The following LEF1 variants were observed in gnomAD, a reference collection of about 807,000 sequenced individuals.
LEF1 encodes lymphoid enhancer-binding factor 1.
In LEF1, 14 loss-of-function variants were observed where a neutral mutation model predicts 51.2. The observed-to-expected ratio is 0.27, with a 90% CI of 0.18 to 0.43. The LOEUF is 0.43. Among genes scored for constraint, LEF1 ranks in the 20% least tolerant of loss-of-function variants. The probability of loss-of-function intolerance (pLI) is 1.00; values close to 1 mark genes in which losing one functional copy is unlikely to be tolerated. For missense variants in LEF1, 386 were observed against 512.0 expected, an observed-to-expected ratio of 0.75 and a Z score of 2.37; for synonymous variants, 185 against 183.2, an observed-to-expected ratio of 1.01 and a Z score of -0.08.
intron 11 of LEF1, among the ~76,000 whole-genome samples, chr4:108,059,174 G>C (rs920456171): frequency 2.0e-5 from 3 of 152,194 alleles, no homozygotes; most frequent in African/African-American, 7.2e-5. Context: ...CTCAAAAGTA[G>C]AAACATACGG....
At chr4:108,139,670 C>T (rs1186631441) in intron 3 of LEF1, among the ~76,000 whole-genome samples, 2 of 152,146 alleles carry the variant, frequency 1.3e-5, no homozygotes, top group Admixed American at 6.5e-5. Flanking sequence ...ATATGTGCTG[C>T]CATTTTGTGA....
intron 3 of LEF1, among the ~76,000 whole-genome samples, chr4:108,148,284 A>AG (rs1744120443): frequency 2.0e-5 from 1 of 50,852 alleles, no homozygotes; most frequent in Non-Finnish European, 5.5e-5. Context: ...AATAAAAAAA[A>AG]AAAAATTTAT....
intron 10 of LEF1, 121 bp downstream of exon 10, chr4:108,064,215 C>T: frequency 5.0e-6 from 3 of 594,136 alleles, no homozygotes; most frequent in Non-Finnish European, 8.9e-6. Flanking sequence ...GAAGAAAAAG[C>T]AGAGTTAAAG....
chr4:108,134,339 C>A (rs1743105951), intron 3 of LEF1, among the ~76,000 whole-genome samples: 1 of 152,224 alleles, frequency 6.6e-6, no homozygotes, highest in African/African-American at 2.4e-5. Flanking sequence ...CCCTTATCCA[C>A]TGTGCCTCCA....
chr4:108,138,933 G>A (rs1436962318), intron 3 of LEF1, among the ~76,000 whole-genome samples: 1 of 152,204 alleles, frequency 6.6e-6, no homozygotes, highest in African/African-American at 2.4e-5. Flanking sequence ...CCTCTAAGTA[G>A]CCTGGAAGGA....
chr4:108,077,955 C>T (rs1358508835), intron 8 of LEF1, among the ~76,000 whole-genome samples: 6 of 152,248 alleles, frequency 3.9e-5, no homozygotes, highest in Admixed American at 2.0e-4. Flanking sequence ...GTGGGAGGAT[C>T]GCCTGAACCC....
chr4:108,070,808 G>A lies in LEF1; in HGVS notation c.1009-38C>T, dbSNP rs760616868. 8 of 1,294,986 alleles carry A rather than the reference G, an allele frequency of 6.2e-6. No homozygotes were observed. The African/African-American group carries it at 8.8e-5, about 14-fold the overall frequency. 80.2% of individuals were successfully genotyped at this position (1,294,986 alleles called of 1,614,324 possible). ...GGAAGGAAGAAAAAAACAAAAGTAA[G>A]CAAAATAGCAATAGCATATTTTATG... is the stretch of plus-strand genomic sequence containing the variant. On this transcript the variant is annotated intron_variant, in intron 8 of 11. Transcript: ENST00000265165.
chr4:108,165,299 A>G lies in LEF1; in HGVS notation c.214-136T>C, dbSNP rs570351157. On this transcript the variant is annotated intron_variant, in intron 1 of 11. Transcript: ENST00000265165. ...AACTCTGTTTTATACTCTGAGAGACATACGCTAGTGTTTAGTACTGCATAA... is the reference window on the plus strand; with the variant it reads ...AACTCTGTTTTATACTCTGAGAGACGTACGCTAGTGTTTAGTACTGCATAA... 49 of 758,748 alleles carry G rather than the reference A, an allele frequency of 6.5e-5. No individual in the cohort carries two copies. The South Asian group carries it at 7.3e-4, about 11-fold the overall frequency. 47.0% of individuals were successfully genotyped at this position (758,748 alleles called of 1,614,324 possible). A position where few individuals can be genotyped will look rare whatever the true frequency, so the allele number is the denominator to read the frequency against.
intron 11 of LEF1, among the ~76,000 whole-genome samples, chr4:108,051,746 C>G (rs1316131679): frequency 2.0e-5 from 3 of 152,192 alleles, no homozygotes; most frequent in Non-Finnish European, 4.4e-5. Context: ...CCGAACCCCC[C>G]TGATGCTCTC....
intron 3 of LEF1, among the ~76,000 whole-genome samples, chr4:108,093,414 A>G (rs779077723): frequency 2.5e-4 from 38 of 152,222 alleles, no homozygotes; most frequent in Non-Finnish European, 5.0e-4. Context: ...TAAGGGAGGG[A>G]AGGAGGGAGA....
chr4:108,167,734 C>A lies in LEF1; in HGVS notation c.34G>T (p.Gly12Trp). Reference protein sequence around the residue: ...PQLSGGGGGGGGDPELCATDE... With the variant: ...PQLSGGGGGGWGDPELCATDE... ...GTGGCGCAGAGTTCCGGGTCCCCCC[C>A]GCCGCCGCCACCTCCTCCGGAGAGT... Residue 12 changes from glycine to tryptophan, a missense_variant, in exon 1 of 12, where the codon GGG becomes TGG. Gly to Trp is a radical substitution (Grantham distance 184). Transcript: ENST00000265165. The surrounding 1 kb of genome is among the most constrained non-coding windows in gnomAD (Gnocchi z 5.7). The A allele has an allele frequency of 6.2e-7, 1 of 1,613,512 alleles. No individual in the cohort carries two copies. The highest frequency in any genetic ancestry group is 8.5e-7 in the Non-Finnish European group (1 of 1,180,012).
At chr4:108,117,857 T>TA (rs1266373412) in intron 3 of LEF1, among the ~76,000 whole-genome samples, 1 of 152,112 alleles carries the variant, frequency 6.6e-6, no homozygotes, top group Non-Finnish European at 1.5e-5. Flanking sequence ...ATTTTAGAGA[T>TA]AAGAAAACCA....
At chr4:108,155,347 T>C (rs188478687) in intron 3 of LEF1, among the ~76,000 whole-genome samples, 7 of 152,332 alleles carry the variant, frequency 4.6e-5, no homozygotes, top group Non-Finnish European at 7.3e-5. Flanking sequence ...GAAAATCTGC[T>C]GCTCTCCTAA....
chr4:108,053,000 A>C (rs958982482), intron 11 of LEF1, among the ~76,000 whole-genome samples: 3 of 152,210 alleles, frequency 2.0e-5, no homozygotes, highest in African/African-American at 7.2e-5. Flanking sequence ...CAGCAGGATG[A>C]GCCTCTGAAC....
intron 3 of LEF1, among the ~76,000 whole-genome samples, chr4:108,148,276 TA>T (rs754263393): frequency 4.8e-5 from 2 of 41,684 alleles, no homozygotes; most frequent in African/African-American, 9.2e-5. Flanking sequence ...GCTCTTTTAA[TA>T]AAAAAAAAAA....
chr4:108,071,465 G>C (rs779034582), intron 8 of LEF1, among the ~76,000 whole-genome samples: 2 of 152,124 alleles, frequency 1.3e-5, no homozygotes, highest in Non-Finnish European at 2.9e-5. Flanking sequence ...AGTTTGTTTT[G>C]CCATCTAGAA....
intron 11 of LEF1, among the ~76,000 whole-genome samples, chr4:108,052,098 T>C (rs1259970367): frequency 6.6e-6 from 1 of 151,986 alleles, no homozygotes; most frequent in Non-Finnish European, 1.5e-5. Context: ...AGTCTATGGG[T>C]GAGCTCTGAG....
chr4:108,163,441 T>C (rs996905689), intron 3 of LEF1, 127 bp downstream of exon 3: 3 of 1,013,096 alleles, frequency 3.0e-6, no homozygotes, highest in Non-Finnish European at 4.4e-6. Context: ...TAACAGCTCT[T>C]ATTTAGCAAC....
chr4:108,088,383 T>C (rs1025008183), intron 4 of LEF1, among the ~76,000 whole-genome samples: 2 of 152,230 alleles, frequency 1.3e-5, no homozygotes, highest in African/African-American at 4.8e-5. Flanking sequence ...CGCATGTGCA[T>C]GCAAAGAGGA....
Sources: allele counts gnomAD v4.1 joint callset (sites outside exome capture counted in the v4.1 genomes callset), GRCh38; gene constraint gnomAD v4.1.1; non-coding constraint Gnocchi (gnomAD v3.1); transcripts MANE v1.5; gene names NCBI Gene and HGNC (gene_info 2026-07-23, HGNC 2026-07-21).